Variants in TTLL5 observed in about 807,000 individuals in gnomAD.
The protein encoded by TTLL5 is tubulin polyglutamylase TTLL5.
TTLL5 carries 132 observed loss-of-function variants against 168.4 expected under a neutral mutation model. That is an observed-to-expected ratio of 0.78 (90% CI 0.68 to 0.91). The LOEUF is 0.91. TTLL5 is among the 40% of genes least tolerant of loss of function. The pLI is 0.00. For missense variants in TTLL5, 1,545 were observed against 1,581.5 expected, an observed-to-expected ratio of 0.98 and a Z score of 0.39; for synonymous variants, 546 against 558.6, an observed-to-expected ratio of 0.98 and a Z score of 0.32.
chr14:75,754,351 C>T (rs981397788), intron 18 of TTLL5, among the ~76,000 whole-genome samples: 17 of 152,020 alleles, frequency 1.1e-4, no homozygotes, highest in Admixed American at 1.0e-3. Flanking sequence ...CTTATTCTTT[C>T]TAGTTTTAAC....
chr14:75,825,225 G>A (rs1595104980), intron 28 of TTLL5, among the ~76,000 whole-genome samples: 1 of 152,152 alleles, frequency 6.6e-6, no homozygotes, highest in Non-Finnish European at 1.5e-5. Context: ...AAGAAAGAAA[G>A]AAACTTAAAA....
At chr14:75,840,367 G>T (rs903659192) in intron 28 of TTLL5, among the ~76,000 whole-genome samples, 1 of 152,064 alleles carries the variant, frequency 6.6e-6, no homozygotes, top group Non-Finnish European at 1.5e-5. Context: ...CATGCATTAG[G>T]TATTACTCCT....
chr14:75,851,147 A>G (rs943570373), intron 28 of TTLL5, among the ~76,000 whole-genome samples: 3 of 152,016 alleles, frequency 2.0e-5, no homozygotes, highest in Admixed American at 1.3e-4. Flanking sequence ...CCAAAAGCAC[A>G]TATTATCTTG....
intron 5 of TTLL5, chr14:75,684,267 T>G (rs1884859897): frequency 6.6e-6 from 1 of 152,232 alleles, no homozygotes; most frequent in African/African-American, 2.4e-5. Context: ...CCTTTCTTAC[T>G]TCCCCTTCAC....
intron 7 of TTLL5, among the ~76,000 whole-genome samples, chr14:75,700,159 A>G (rs939799267): frequency 6.6e-6 from 1 of 152,214 alleles, no homozygotes; most frequent in Non-Finnish European, 1.5e-5. Context: ...AAATATTAGG[A>G]TAGGTAGCTG....
intron 28 of TTLL5, among the ~76,000 whole-genome samples, chr14:75,839,554 A>G (rs1005155199): frequency 1.1e-4 from 16 of 152,216 alleles, no homozygotes; most frequent in African/African-American, 3.9e-4. Context: ...ACAGGGCGGC[A>G]GGAGAGAGAA....
At chr14:75,931,157 A>G (rs1338093420) in intron 31 of TTLL5, among the ~76,000 whole-genome samples, 2 of 152,194 alleles carry the variant, frequency 1.3e-5, no homozygotes, top group African/African-American at 4.8e-5. Flanking sequence ...CATACACACC[A>G]AACATGAACA....
At chr14:75,780,110 GC>G (rs987232641) in intron 24 of TTLL5, among the ~76,000 whole-genome samples, 61 of 152,154 alleles carry the variant, frequency 4.0e-4, no homozygotes, top group African/African-American at 1.5e-3. Context: ...TCTTTATCGT[GC>G]AGGGACAAGG....
chr14:75,933,298 A>C (rs12886636), intron 31 of TTLL5, among the ~76,000 whole-genome samples: 119,352 of 152,026 alleles, frequency 0.79, 46,933 homozygotes, highest in Admixed American at 0.83. Context: ...CTACAAAAAA[A>C]AATTAAAAAA....
chr14:75,954,703 C>G lies in TTLL5; in HGVS notation c.*257C>G. 1.8e-6 allele frequency: 1 copy of G among 549,816 alleles called. No individual in the cohort carries two copies. Among genetic ancestry groups the G allele is most frequent in the South Asian group, 2.6e-5 (1 of 39,078 alleles). The allele number at this position is 549,816 out of a possible 1,614,324, so 34.1% of individuals were successfully genotyped here. ...GACATTCAGCTGATGCATTATATAC[C>G]CCGTCAGAGCACACTTGTATCTTTT... On this transcript the variant is annotated 3_prime_UTR_variant, in exon 32 of 32. Transcript: ENST00000298832.
rs1889554679 is a variant in TTLL5, at chr14:75,745,576, A to G, written c.1482A>G (p.Ile494Met). The change falls in exon 17 of 32, where the codon ATA (isoleucine) becomes ATG (methionine). Residue 494 changes from isoleucine (I) to methionine (M), a missense_variant. Transcript: ENST00000298832. Reference protein sequence around the residue: ...RIFPTSETWEIYGSYLEHKTS... With the variant: ...RIFPTSETWEMYGSYLEHKTS... ...TTCCTACATCTGAGACATGGGAAAT[A>G]TATGGGTGAGGTGACTACCTTTTTT... is the stretch of plus-strand genomic sequence containing the variant. 5.6e-6 allele frequency: 9 copies of G among 1,613,588 alleles called. No individual in the cohort carries two copies. Among genetic ancestry groups the G allele is most frequent in the African/African-American group, 1.3e-5 (1 of 74,888 alleles).
chr14:75,922,186 A>G lies in TTLL5; in HGVS notation c.3823+19962A>G, dbSNP rs186007675. On this transcript the variant is annotated intron_variant, in intron 31 of 31. Transcript: ENST00000298832. ...CAATCATGTCATCTGCAAACGGACA[A>G]TTTGACTTCCTCTTTTCCTAATTGA... Among the ~76,000 whole-genome samples, 3 of 151,762 alleles carry G rather than the reference A, an allele frequency of 2.0e-5. 1 individual carries two copies. The South Asian group carries it at 6.3e-4, about 32-fold the overall frequency.
At chr14:75,753,313 T>C (rs1890067263) in intron 18 of TTLL5, among the ~76,000 whole-genome samples, 1 of 152,190 alleles carries the variant, frequency 6.6e-6, no homozygotes, top group African/African-American at 2.4e-5. Flanking sequence ...ACTAGAATTA[T>C]CAGATTGGAA....
At chr14:75,671,177 G>A (rs181220869) in intron 3 of TTLL5, among the ~76,000 whole-genome samples, 2 of 152,182 alleles carry the variant, frequency 1.3e-5, no homozygotes, top group African/African-American at 2.4e-5. Context: ...TTCCCCACTG[G>A]ATGGTCTTGG....
At chr14:75,784,995 G>A (rs1892279155) in intron 26 of TTLL5, among the ~76,000 whole-genome samples, 2 of 151,854 alleles carry the variant, frequency 1.3e-5, no homozygotes, top group African/African-American at 4.8e-5. Context: ...AAAACCCTTT[G>A]TCAGATAGGA....
intron 25 of TTLL5, 61 bp downstream of exon 25, chr14:75,782,634 A>G (rs1892125280): frequency 2.9e-6 from 4 of 1,365,680 alleles, no homozygotes; most frequent in Non-Finnish European, 3.1e-6. Flanking sequence ...AAAGAAGGAA[A>G]TAGTCATCAG....
chr14:75,824,499 T>C (rs1054664024), intron 28 of TTLL5, among the ~76,000 whole-genome samples: 2 of 151,988 alleles, frequency 1.3e-5, no homozygotes, highest in African/African-American at 2.4e-5. Flanking sequence ...GACAAATCCA[T>C]TCATACGAAA....
intron 13 of TTLL5, among the ~76,000 whole-genome samples, chr14:75,733,358 C>T (rs11627832): frequency 0.68 from 102,822 of 152,030 alleles, 36,052 homozygotes; most frequent in Admixed American, 0.77. Context: ...CCACCGTGGC[C>T]GTCACTGCCG....
In TTLL5 at chr14:75,663,153, C is replaced by A. The variant is rs745443275; in HGVS notation, c.4C>A (p.Pro2Thr). ...TGCATGACAAACCCTAAAGGAAATG[C>A]CAATCGTGATGGCCCGGGACCTGGA... Reference protein sequence around the residue: MPIVMARDLEET... With the variant: MTIVMARDLEET... Residue 2 changes from proline (P) to threonine (T), a missense_variant, in exon 2 of 32, where the codon CCA becomes ACA. Pro to Thr is a conservative substitution (Grantham distance 38). Transcript: ENST00000298832. 27 of 1,613,374 alleles carry A rather than the reference C, an allele frequency of 1.7e-5. No individual in the cohort carries two copies. The highest frequency in any genetic ancestry group is 2.3e-5 in the Non-Finnish European group (27 of 1,179,808).
Sources: gnomAD v4.1 joint callset for allele counts (sites outside exome capture counted in the v4.1 genomes callset) on GRCh38, gnomAD v4.1.1 for gene constraint, MANE v1.5 for transcripts, NCBI Gene and HGNC (gene_info 2026-07-23, HGNC 2026-07-21) for gene names.